CLEC16A: variants seen among roughly 807,000 people sequenced by gnomAD.
CLEC16A encodes the protein C-type lectin domain containing 16A.
A neutral mutation model predicts 109.5 loss-of-function variants in CLEC16A; 51 were observed. The observed-to-expected ratio is 0.47, with a 90% CI of 0.37 to 0.59. The LOEUF is 0.59. Among genes scored for constraint, CLEC16A ranks in the 20% least tolerant of loss-of-function variants. The probability of loss-of-function intolerance (pLI) is 0.00; values close to 1 mark genes in which losing one functional copy is unlikely to be tolerated. For missense variants in CLEC16A, 1,339 were observed against 1,394.0 expected (o/e 0.96, Z 0.63); for synonymous variants, 673 against 564.2 (o/e 1.19, Z -2.73).
intron 23 of CLEC16A, among the ~76,000 whole-genome samples, chr16:11,171,178 A>G (rs896004638): frequency 1.1e-4 from 17 of 152,196 alleles, no homozygotes; most frequent in Non-Finnish European, 1.5e-4. Flanking sequence ...GCCCAGCGGT[A>G]GCTTCAGGCC....
chr16:11,047,287 T>C lies in CLEC16A; in HGVS notation c.1816-5T>C, dbSNP rs1294108584. The C allele has an allele frequency of 3.1e-6, 5 of 1,608,154 alleles. No individual in the cohort carries two copies. The highest frequency in any genetic ancestry group is 4.2e-6 in the Non-Finnish European group (5 of 1,176,606). On this transcript the variant is annotated splice_region_variant and splice_polypyrimidine_tract_variant and intron_variant, in intron 16 of 23. Transcript: ENST00000409790. ...CTCCTCTTCCCTCCCTTCCTTTCTT[T>C]TTAGGGAGAAGACATTTTTTTGGAC...
At chr16:11,030,488 G>T (rs1008187722) in intron 13 of CLEC16A, among the ~76,000 whole-genome samples, 2 of 152,128 alleles carry the variant, frequency 1.3e-5, no homozygotes, top group Non-Finnish European at 2.9e-5. Context: ...GGTATCTTAT[G>T]ATCTTAATTT....
rs547092203 is a variant in CLEC16A, at chr16:11,042,240, G to C, written c.1661-14G>C. On this transcript the variant is annotated splice_polypyrimidine_tract_variant and intron_variant, in intron 14 of 23. Transcript: ENST00000409790. ...ACCCTGGGTGTGCAAGGCTTACCCT[G>C]GTGTGCTCTGCAGATGGGAAGATCC... The C allele has an allele frequency of 6.4e-7, 1 of 1,563,164 alleles. No individual in the cohort carries two copies.
intron 22 of CLEC16A, among the ~76,000 whole-genome samples, chr16:11,148,347 G>T (rs1235221456): frequency 3.3e-5 from 5 of 152,182 alleles, no homozygotes; most frequent in Non-Finnish European, 5.9e-5. Flanking sequence ...AGGGCTAGTT[G>T]TGGCCTTTTT....
In CLEC16A at chr16:11,178,624, C is replaced by G; in HGVS notation, c.3096C>G (p.Ala1032=). The G allele has an allele frequency of 6.3e-7, 1 of 1,597,888 alleles. No homozygotes were observed. Among genetic ancestry groups the G allele is most frequent in the South Asian group, 1.1e-5 (1 of 89,560 alleles). Residue 1032 remains alanine (A), a synonymous_variant, in exon 24 of 24, where the codon GCC becomes GCG. Coordinates refer to ENST00000409790, the MANE Select transcript of CLEC16A (RefSeq NM_015226.3). The surrounding 1 kb of genome is among the most constrained non-coding windows in gnomAD (Gnocchi z 6.5). ...TGCCCCCGCTGTCCACGCCGGCTGC[C>G]GCCTGCACAGAGCCCGTGGGCGAAG... ...TGMPPLSTPA[A]ACTEPVGEEA...
intron 19 of CLEC16A, among the ~76,000 whole-genome samples, chr16:11,105,908 G>T (rs1422666065): frequency 6.6e-6 from 1 of 152,198 alleles, no homozygotes; most frequent in African/African-American, 2.4e-5. Context: ...TGTGCTGGGA[G>T]ACATGAAGAT....
intron 19 of CLEC16A, among the ~76,000 whole-genome samples, chr16:11,104,381 G>T (rs893906038): frequency 4.6e-5 from 7 of 151,972 alleles, no homozygotes; most frequent in African/African-American, 1.5e-4. Context: ...TCCCACCTCA[G>T]CCTCCCAAAG....
At chr16:10,987,741 G>A (rs1036838530) in intron 10 of CLEC16A, among the ~76,000 whole-genome samples, 1 of 152,206 alleles carries the variant, frequency 6.6e-6, no homozygotes, top group Admixed American at 6.5e-5. Flanking sequence ...CCTTCCCTAT[G>A]AGCGAGAACA....
intron 23 of CLEC16A, among the ~76,000 whole-genome samples, chr16:11,173,862 C>T (rs1352530800): frequency 6.6e-6 from 1 of 152,174 alleles, no homozygotes; most frequent in Non-Finnish European, 1.5e-5. Flanking sequence ...TCCTTTCCAA[C>T]AGGACTCCAC....
chr16:10,968,832 C>G (rs951863276), intron 3 of CLEC16A, among the ~76,000 whole-genome samples: 1 of 152,152 alleles, frequency 6.6e-6, no homozygotes, highest in Non-Finnish European at 1.5e-5. Flanking sequence ...TGTGAAAATG[C>G]CCACACACCA....
At chr16:11,156,955 G>A (rs1028053820) in intron 22 of CLEC16A, 66 of 315,502 alleles carry the variant, frequency 2.1e-4, no homozygotes, top group Non-Finnish European at 3.6e-4. Flanking sequence ...TAGCAAAAGG[G>A]GCATTAGACT....
chr16:11,079,360 G>C (rs1388611260), intron 19 of CLEC16A, among the ~76,000 whole-genome samples: 1 of 152,172 alleles, frequency 6.6e-6, no homozygotes, highest in Non-Finnish European at 1.5e-5. Context: ...AGTTGTTGGG[G>C]CTGAGCTGGC....
At chr16:11,119,284 T>G (rs1348112255) in intron 19 of CLEC16A, among the ~76,000 whole-genome samples, 1 of 152,220 alleles carries the variant, frequency 6.6e-6, no homozygotes, top group Non-Finnish European at 1.5e-5. Flanking sequence ...ATTACAGGCA[T>G]GAGCCACAGC....
At chr16:11,146,351 G>T (rs1228332768) in intron 22 of CLEC16A, among the ~76,000 whole-genome samples, 1 of 152,156 alleles carries the variant, frequency 6.6e-6, no homozygotes, top group Non-Finnish European at 1.5e-5. Flanking sequence ...GAATTTCCAA[G>T]TCCTGGGCTA....
At chr16:11,127,147 A>G (rs2052882112) in intron 22 of CLEC16A, among the ~76,000 whole-genome samples, 1 of 152,192 alleles carries the variant, frequency 6.6e-6, no homozygotes, top group Admixed American at 6.5e-5. Flanking sequence ...CTGTCTTTCC[A>G]GAAATATTTC....
At chr16:11,000,545 C>T (rs560093981) in intron 10 of CLEC16A, among the ~76,000 whole-genome samples, 4 of 152,202 alleles carry the variant, frequency 2.6e-5, no homozygotes, top group South Asian at 2.1e-4. Flanking sequence ...GATGAGAGGG[C>T]GACTAGGCTG....
At chr16:11,139,128 G>C (rs2153063112) in intron 22 of CLEC16A, among the ~76,000 whole-genome samples, 1 of 152,306 alleles carries the variant, frequency 6.6e-6, no homozygotes, top group East Asian at 1.9e-4. Flanking sequence ...GTCCTTGTGT[G>C]TCTTGTGGGT....
intron 1 of CLEC16A, among the ~76,000 whole-genome samples, chr16:10,952,634 A>C (rs1567493024): frequency 6.6e-6 from 1 of 152,218 alleles, no homozygotes. Flanking sequence ...CCCCCATTAC[A>C]TTCAAGCAAA....
intron 10 of CLEC16A, among the ~76,000 whole-genome samples, chr16:10,983,632 G>A (rs532893230): frequency 6.6e-6 from 1 of 152,242 alleles, no homozygotes; most frequent in East Asian, 1.9e-4. Context: ...GAAAACACCT[G>A]ATGGCCAGTG....
Sources: gnomAD v4.1 joint callset for allele counts (sites outside exome capture counted in the v4.1 genomes callset) on GRCh38, gnomAD v4.1.1 for gene constraint, Gnocchi (gnomAD v3.1) non-coding constraint, MANE v1.5 for transcripts, NCBI Gene and HGNC (gene_info 2026-07-23, HGNC 2026-07-21) for gene names.